The following MCMDC2 variants were observed in gnomAD, a reference collection of about 807,000 sequenced individuals.
The protein encoded by MCMDC2 is minichromosome maintenance domain containing 2, also known as minichromosome maintenance domain-containing protein 2.
A neutral mutation model predicts 75.8 loss-of-function variants in MCMDC2; 54 were observed. The observed-to-expected ratio is 0.71, with a 90% CI of 0.57 to 0.89. The LOEUF is 0.89. Among genes scored for constraint, MCMDC2 ranks in the 40% least tolerant of loss-of-function variants. The pLI, the probability that MCMDC2 is intolerant of heterozygous loss-of-function variation, is 0.00. For missense variants in MCMDC2, 656 were observed against 780.4 expected (o/e 0.84, Z 1.90); for synonymous variants, 249 against 274.6 (o/e 0.91, Z 0.92).
Position 66,878,585 on chromosome 8 carries a change from A to T in MCMDC2, c.493A>T (p.Ile165Leu). The part of the protein sequence containing the change: ...ACPLSKGFQY[I>L]RVHVPGATES... ...CTGTTTTCTTTCAGGATTTCAGTAT[A>T]TAAGAGTGCATGTGCCTGGTGCTAC... Residue 165 changes from isoleucine to leucine, a missense_variant, in exon 6 of 15, where the codon ATA becomes TTA. Transcript: ENST00000422365. 1 of 1,578,974 alleles carries T rather than the reference A, an allele frequency of 6.3e-7. No homozygotes were observed.
chr8:66,910,364 C>T (rs951772275), intron 14 of MCMDC2, among the ~76,000 whole-genome samples: 4 of 152,224 alleles, frequency 2.6e-5, no homozygotes, highest in Non-Finnish European at 5.9e-5. Context: ...AAGCTGCAGA[C>T]ACTCAACACC....
At chr8:66,878,754 T>C (rs920471914) in intron 6 of MCMDC2, 58 bp downstream of exon 6, 2 of 1,445,916 alleles carry the variant, frequency 1.4e-6, no homozygotes, top group East Asian at 4.9e-5. Flanking sequence ...GATATTTCAA[T>C]ATGGAAATTA....
At position 66,874,412 on chromosome 8, in the gene MCMDC2, C is replaced by A. The variant is rs754051588; in HGVS notation, c.181C>A (p.His61Asn). The A allele has an allele frequency of 1.2e-6, 2 of 1,613,800 alleles. No homozygotes were observed. Among genetic ancestry groups the A allele is most frequent in the South Asian group, 2.2e-5 (2 of 91,006 alleles). ...VVELDAELGN[H>N]ILHQPLKAAE... ...TGAATTAGATGCTGAGCTTGGAAAT[C>A]ACATTTTACACCAACCTTTAAAAGC... The change falls in exon 3 of 15, where the codon CAC becomes AAC. Residue 61 changes from histidine (H) to asparagine (N), a missense_variant. Coordinates refer to ENST00000422365, the MANE Select transcript of MCMDC2 (RefSeq NM_173518.5).
At chr8:66,877,639 A>AGGATCACCTGAGCTCAG in intron 5 of MCMDC2, 95 bp downstream of exon 5, 2 of 866,950 alleles carry the variant, frequency 2.3e-6, no homozygotes, top group Non-Finnish European at 3.4e-6. Flanking sequence ...CTGAGGAGGG[A>AGGATCACCTGAGCTCAG]GGATCACCTG....
chr8:66,888,476 T>A (rs1811947375), intron 9 of MCMDC2, among the ~76,000 whole-genome samples: 1 of 152,208 alleles, frequency 6.6e-6, no homozygotes, highest in African/African-American at 2.4e-5. Flanking sequence ...AGAATTAACA[T>A]CTTAATAATA....
downstream of MCMDC2, among the ~76,000 whole-genome samples, chr8:66,924,289 G>GA (rs934727375): frequency 3.8e-4 from 55 of 144,702 alleles, no homozygotes; most frequent in Middle Eastern, 3.5e-3. Context: ...CAAATTTGAA[G>GA]AAAAAAAAAA....
chr8:66,923,823 G>A (rs1813636689), downstream of MCMDC2, among the ~76,000 whole-genome samples: 1 of 152,112 alleles, frequency 6.6e-6, no homozygotes, highest in African/African-American at 2.4e-5. Flanking sequence ...GGGAGATGGA[G>A]GTTGCAGTGT....
chr8:66,896,703 A>G, intron 11 of MCMDC2, 77 bp from the exon 12 acceptor site: 4 of 1,033,690 alleles, frequency 3.9e-6, no homozygotes, highest in Non-Finnish European at 5.4e-6. Context: ...TATAATAATT[A>G]CTTTGTAATT....
intron 13 of MCMDC2, 78 bp from the exon 14 acceptor site, chr8:66,905,148 C>G: frequency 8.7e-7 from 1 of 1,149,618 alleles, no homozygotes; most frequent in Non-Finnish European, 1.1e-6. Context: ...TCATATATAT[C>G]TCGATTTGTT....
At chr8:66,889,019 T>G (rs1171841340) in intron 9 of MCMDC2, among the ~76,000 whole-genome samples, 4 of 152,180 alleles carry the variant, frequency 2.6e-5, no homozygotes, top group African/African-American at 7.2e-5. Context: ...AATATCGCTC[T>G]CTCTCTCTCA....
At chr8:66,885,394 T>C (rs1324133966) in intron 9 of MCMDC2, among the ~76,000 whole-genome samples, 1 of 152,146 alleles carries the variant, frequency 6.6e-6, no homozygotes, top group African/African-American at 2.4e-5. Flanking sequence ...TAATTTGCAT[T>C]TATTTAATTG....
At chr8:66,873,307 A>G (rs1217427289) in intron 1 of MCMDC2, among the ~76,000 whole-genome samples, 2 of 152,206 alleles carry the variant, frequency 1.3e-5, no homozygotes, top group African/African-American at 4.8e-5. Flanking sequence ...TACTGAGCCA[A>G]GAGAGGTCAG....
At chr8:66,879,278 T>A (rs1811445719) in intron 7 of MCMDC2, among the ~76,000 whole-genome samples, 2 of 149,432 alleles carry the variant, frequency 1.3e-5, no homozygotes, top group South Asian at 4.3e-4. Flanking sequence ...CTCAAAAAAA[T>A]AATAATAACA....
intron 9 of MCMDC2, among the ~76,000 whole-genome samples, chr8:66,885,069 C>T (rs1000408237): frequency 6.6e-6 from 1 of 152,124 alleles, no homozygotes; most frequent in African/African-American, 2.4e-5. Context: ...CGTGGTGGCT[C>T]AAGCCTGTAA....
chr8:66,896,695 T>C (rs1169795386), intron 11 of MCMDC2, 85 bp from the exon 12 acceptor site: 16 of 945,410 alleles, frequency 1.7e-5, no homozygotes, highest in Non-Finnish European at 2.4e-5. Flanking sequence ...TAACAACATA[T>C]AATAATTACT....
intron 1 of MCMDC2, among the ~76,000 whole-genome samples, chr8:66,873,263 A>T (rs917963477): frequency 6.6e-6 from 1 of 152,186 alleles, no homozygotes; most frequent in Non-Finnish European, 1.5e-5. Flanking sequence ...GGCTTTAATC[A>T]TCTGATACAA....
intron 13 of MCMDC2, among the ~76,000 whole-genome samples, chr8:66,902,943 A>G (rs1812767063): frequency 6.6e-6 from 1 of 151,234 alleles, no homozygotes; most frequent in Admixed American, 6.6e-5. Flanking sequence ...AACGTGATGA[A>G]ACCCTGTCTC....
intron 7 of MCMDC2, among the ~76,000 whole-genome samples, chr8:66,880,079 C>T (rs1368342344): frequency 5.9e-5 from 9 of 152,154 alleles, no homozygotes; most frequent in Non-Finnish European, 1.2e-4. Flanking sequence ...GTTGCCCAAG[C>T]TCTAGGTATG....
intron 9 of MCMDC2, among the ~76,000 whole-genome samples, chr8:66,887,498 G>A (rs1348303607): frequency 6.6e-6 from 1 of 152,116 alleles, no homozygotes; most frequent in Non-Finnish European, 1.5e-5. Flanking sequence ...GTTGCAGTGA[G>A]CAGAGACTGC....
Sources: gnomAD v4.1 joint callset for allele counts (sites outside exome capture counted in the v4.1 genomes callset) on GRCh38, gnomAD v4.1.1 for gene constraint, MANE v1.5 for transcripts, NCBI Gene and HGNC (gene_info 2026-07-23, HGNC 2026-07-21) for gene names.